Variants in NLGN1 observed in about 807,000 individuals in gnomAD.
NLGN1 encodes neuroligin 1.
In NLGN1, 12 loss-of-function variants were observed where a neutral mutation model predicts 65.5. That is an observed-to-expected ratio of 0.18 (90% confidence interval 0.12 to 0.30). The LOEUF (loss-of-function observed/expected upper bound fraction) is 0.30. NLGN1 is among the 10% of genes least tolerant of loss of function. The pLI, the probability that NLGN1 is intolerant of heterozygous loss-of-function variation, is 1.00. For synonymous variants in NLGN1, 350 were observed against 359.5 expected (o/e 0.97, Z 0.30); for missense variants, 750 against 1,007.1 (o/e 0.74, Z 3.46).
At chr3:173,636,955 A>G (rs572386291) in intron 3 of NLGN1, among the ~76,000 whole-genome samples, 21 of 152,178 alleles carry the variant, frequency 1.4e-4, no homozygotes, top group Admixed American at 5.2e-4. Context: ...GCTAGTGTGA[A>G]AAATAAATAC....
intron 2 of NLGN1, among the ~76,000 whole-genome samples, chr3:173,489,955 G>C (rs1439639357): frequency 1.3e-5 from 2 of 152,040 alleles, no homozygotes; most frequent in African/African-American, 4.8e-5. Context: ...TTGTAAATTT[G>C]TTTGTGTTGT....
At chr3:173,725,955 C>T (rs1193189577) in intron 3 of NLGN1, among the ~76,000 whole-genome samples, 2 of 152,090 alleles carry the variant, frequency 1.3e-5, no homozygotes, top group African/African-American at 2.4e-5. Flanking sequence ...TGCATGCTCA[C>T]CTACTTCTTC....
chr3:174,156,600 A>T (rs1725482927), intron 4 of NLGN1, among the ~76,000 whole-genome samples: 1 of 151,794 alleles, frequency 6.6e-6, no homozygotes, highest in Admixed American at 6.6e-5. Context: ...GTATTGTTTT[A>T]AGAATGATAT....
At chr3:174,141,109 T>C (rs1296188552) in intron 4 of NLGN1, among the ~76,000 whole-genome samples, 2 of 152,162 alleles carry the variant, frequency 1.3e-5, no homozygotes, top group Non-Finnish European at 2.9e-5. Context: ...ATTTTTCTGG[T>C]TTTCTTTAGT....
At chr3:173,747,786 C>CTTT (rs1775695243) in intron 3 of NLGN1, among the ~76,000 whole-genome samples, 2 of 71,724 alleles carry the variant, frequency 2.8e-5, no homozygotes, top group African/African-American at 1.3e-4. Flanking sequence ...AATTTTCTTT[C>CTTT]TTCTTCTTCT....
chr3:173,446,060 CTT>C (rs554305581), intron 2 of NLGN1, among the ~76,000 whole-genome samples: 1 of 145,198 alleles, frequency 6.9e-6, no homozygotes. Context: ...TTCTTTTTTT[CTT>C]TTTTTTTTTA....
chr3:173,650,178 A>T (rs934833733), intron 3 of NLGN1, among the ~76,000 whole-genome samples: 1 of 152,056 alleles, frequency 6.6e-6, no homozygotes, highest in Non-Finnish European at 1.5e-5. Flanking sequence ...AACACAGACC[A>T]TGAATATCCA....
rs566202142 is a variant in NLGN1 at position 173,650,209 on chromosome 3, A to G, written c.493+45118A>G. On this transcript the variant is annotated intron_variant, in intron 3 of 6. Coordinates refer to ENST00000457714, the Ensembl canonical transcript of NLGN1. ...ATCCACTTCATTCATCTTCAGCTAC[A>G]TACTTCCTACTCATCATTATTCACT... Among the ~76,000 whole-genome samples the G allele has an allele frequency of 3.3e-5, 5 of 152,210 alleles. No homozygotes were observed. In the East Asian group the frequency reaches 9.7e-4, roughly 29 times the overall value.
At chr3:173,999,528 C>T (rs1722889104) in intron 4 of NLGN1, among the ~76,000 whole-genome samples, 1 of 152,014 alleles carries the variant, frequency 6.6e-6, no homozygotes, top group African/African-American at 2.4e-5. Context: ...ATTGCTGAGA[C>T]TTAGATGATA....
intron 2 of NLGN1, among the ~76,000 whole-genome samples, chr3:173,574,413 C>T (rs1270118894): frequency 1.3e-5 from 2 of 151,626 alleles, no homozygotes; most frequent in African/African-American, 4.8e-5. Context: ...AGATGTTAAA[C>T]TTTGACTAAA....
chr3:174,120,913 C>T (rs190392486), intron 4 of NLGN1, among the ~76,000 whole-genome samples: 2 of 152,312 alleles, frequency 1.3e-5, no homozygotes, highest in Admixed American at 6.5e-5. Flanking sequence ...ATATTCCTGA[C>T]TCTTGCTATA....
At chr3:173,736,921 C>T (rs1339882939) in intron 3 of NLGN1, among the ~76,000 whole-genome samples, 2 of 150,934 alleles carry the variant, frequency 1.3e-5, no homozygotes, top group Non-Finnish European at 2.9e-5. Flanking sequence ...CAGATAGTTT[C>T]AAAATGTAGC....
At chr3:173,930,611 A>G (rs984524212) in intron 4 of NLGN1, among the ~76,000 whole-genome samples, 4 of 152,212 alleles carry the variant, frequency 2.6e-5, no homozygotes, top group African/African-American at 9.6e-5. Context: ...AGAAAGAAGG[A>G]TAGAGTTTAG....
intron 4 of NLGN1, among the ~76,000 whole-genome samples, chr3:173,878,812 T>A (rs1732679005): frequency 6.6e-6 from 1 of 152,110 alleles, no homozygotes; most frequent in Non-Finnish European, 1.5e-5. Flanking sequence ...AAGGATCTCA[T>A]ATTTCGTAGG....
chr3:173,404,025 A>T (rs963453887), intron 1 of NLGN1, among the ~76,000 whole-genome samples: 2 of 152,128 alleles, frequency 1.3e-5, no homozygotes, highest in Non-Finnish European at 2.9e-5. Flanking sequence ...GTTGTGCTTG[A>T]GTTATTTTTA....
chr3:173,859,905 G>A (rs1206126140), intron 4 of NLGN1, among the ~76,000 whole-genome samples: 1 of 151,794 alleles, frequency 6.6e-6, no homozygotes, highest in Non-Finnish European at 1.5e-5. Context: ...TGTTGCTCTA[G>A]TACGCTTTCA....
At chr3:173,462,276 G>A (rs2148892590) in intron 2 of NLGN1, among the ~76,000 whole-genome samples, 1 of 152,186 alleles carries the variant, frequency 6.6e-6, no homozygotes, top group East Asian at 1.9e-4. Flanking sequence ...CATATTACAT[G>A]CTCAATAAAT....
rs1358750150 is a variant in NLGN1, at chr3:174,124,748, C to T, written c.647-150567C>T. 4.0e-5 allele frequency among the ~76,000 whole-genome samples: 6 copies of T among 150,508 alleles called. No individual in the cohort carries two copies. The South Asian group carries it at 8.4e-4, about 21-fold the overall frequency. On this transcript the variant is annotated intron_variant, in intron 4 of 6. Transcript: ENST00000457714. ...TATATGTGTATATACATATATTACACACGTATATAAAATATGTATGTATAT... is the reference window on the plus strand; with the variant it reads ...TATATGTGTATATACATATATTACATACGTATATAAAATATGTATGTATAT...
chr3:173,443,411 A>G (rs1325333829), intron 2 of NLGN1, among the ~76,000 whole-genome samples: 2 of 150,456 alleles, frequency 1.3e-5, no homozygotes, highest in South Asian at 2.1e-4. Flanking sequence ...TTGAAACTGT[A>G]CTCCCAATAC....
Sources: allele counts gnomAD v4.1 joint callset (sites outside exome capture counted in the v4.1 genomes callset), GRCh38; gene constraint gnomAD v4.1.1; transcripts MANE v1.5; gene names NCBI Gene and HGNC (gene_info 2026-07-23, HGNC 2026-07-21).